AP3B1: variants seen among roughly 807,000 people sequenced by gnomAD.
AP3B1 encodes the protein AP-3 complex subunit beta-1.
In AP3B1, 61 loss-of-function variants were observed where a neutral mutation model predicts 132.5. That is an observed-to-expected ratio of 0.46 (90% CI 0.37 to 0.57). The LOEUF is 0.57. Ranked by LOEUF, AP3B1 falls within the 20% of genes least tolerant of loss-of-function variation. The pLI, the probability that AP3B1 is intolerant of heterozygous loss-of-function variation, is 0.00. For synonymous variants in AP3B1, 388 were observed against 438.3 expected, an observed-to-expected ratio of 0.89 and a Z score of 1.43; for missense variants, 1,120 against 1,289.4, an observed-to-expected ratio of 0.87 and a Z score of 2.01.
At chr5:78,232,274 C>A (rs1326804089) in intron 3 of AP3B1, among the ~76,000 whole-genome samples, 1 of 152,178 alleles carries the variant, frequency 6.6e-6, no homozygotes, top group Admixed American at 6.5e-5. Flanking sequence ...GCCTTGGCAA[C>A]ATGTAGCCAC....
chr5:78,212,284 A>C (rs1745772799), intron 7 of AP3B1, among the ~76,000 whole-genome samples: 1 of 152,184 alleles, frequency 6.6e-6, no homozygotes, highest in South Asian at 2.1e-4. Flanking sequence ...CTATCCCAAA[A>C]AAGGAAAACA....
At chr5:78,277,424 G>GC (rs1748828870) in intron 1 of AP3B1, among the ~76,000 whole-genome samples, 1 of 152,106 alleles carries the variant, frequency 6.6e-6, no homozygotes, top group African/African-American at 2.4e-5. Flanking sequence ...GAGGGAGAGA[G>GC]CAAGGCAGAG....
At chr5:78,248,801 A>G (rs1203994598) in intron 2 of AP3B1, among the ~76,000 whole-genome samples, 4 of 152,102 alleles carry the variant, frequency 2.6e-5, no homozygotes, top group African/African-American at 9.7e-5. Flanking sequence ...CTTGAAGGAT[A>G]TTTTCAATGG....
chr5:78,039,431 T>A (rs766567988), intron 22 of AP3B1, among the ~76,000 whole-genome samples, 157 bp from the exon 23 acceptor site: 6 of 152,130 alleles, frequency 3.9e-5, no homozygotes, highest in Non-Finnish European at 5.9e-5. Flanking sequence ...CACATAGATA[T>A]TAGTCAGAAA....
intron 26 of AP3B1, among the ~76,000 whole-genome samples, chr5:78,008,223 A>T (rs1746477652): frequency 6.6e-6 from 1 of 152,198 alleles, no homozygotes; most frequent in Non-Finnish European, 1.5e-5. Flanking sequence ...AGTAAAACAA[A>T]TACATTCTTA....
chr5:78,098,089 CGT>C (rs1347448135), intron 21 of AP3B1, among the ~76,000 whole-genome samples: 1 of 150,970 alleles, frequency 6.6e-6, no homozygotes, highest in Non-Finnish European at 1.5e-5. Flanking sequence ...GCAGCATGCT[CGT>C]TAAGAGTCAT....
chr5:78,280,154 C>T (rs553188236), intron 1 of AP3B1, among the ~76,000 whole-genome samples: 1 of 151,236 alleles, frequency 6.6e-6, no homozygotes, highest in East Asian at 1.9e-4. Context: ...CCTGGAGTGT[C>T]ATCCCCCTCC....
At chr5:78,140,334 A>G (rs941834993) in intron 15 of AP3B1, among the ~76,000 whole-genome samples, 1 of 152,166 alleles carries the variant, frequency 6.6e-6, no homozygotes, top group African/African-American at 2.4e-5. Flanking sequence ...AAACTGCAAA[A>G]TGTCTTAGTC....
At chr5:78,173,022 A>G (rs1349131279) in intron 11 of AP3B1, among the ~76,000 whole-genome samples, 1 of 152,222 alleles carries the variant, frequency 6.6e-6, no homozygotes, top group Non-Finnish European at 1.5e-5. Context: ...TTATTTACCC[A>G]GTAGTCATTC....
chr5:78,289,288 G>A (rs1580599741), intron 1 of AP3B1, among the ~76,000 whole-genome samples: 1 of 152,152 alleles, frequency 6.6e-6, no homozygotes, highest in East Asian at 1.9e-4. Context: ...TGATATTAAA[G>A]GTTAAGAATG....
chr5:78,180,344 C>A (rs1411737761), intron 8 of AP3B1, among the ~76,000 whole-genome samples: 3 of 151,988 alleles, frequency 2.0e-5, no homozygotes, highest in Non-Finnish European at 2.9e-5. Context: ...TCTTTAAGAA[C>A]ATGTTTAACC....
In AP3B1 at chr5:78,196,810, T is replaced by C. The variant is rs1189961069; in HGVS notation, c.787-15148A>G. Among the ~76,000 whole-genome samples, 3 of 152,210 alleles carry C rather than the reference T, an allele frequency of 2.0e-5. No individual in the cohort carries two copies. In the East Asian group the frequency reaches 5.8e-4, roughly 29 times the overall value. On this transcript the variant is annotated intron_variant, in intron 7 of 26. Transcript: ENST00000255194. ...GTATGATTCCAGCTATATGATATTT[T>C]GGAAAAGGCAAACTATGTAGACATT...
intron 18 of AP3B1, among the ~76,000 whole-genome samples, chr5:78,115,778 G>T (rs1751799319): frequency 6.6e-6 from 1 of 152,076 alleles, no homozygotes; most frequent in African/African-American, 2.4e-5. Flanking sequence ...TTTTGTAAAA[G>T]AAAGTTACTT....
At chr5:78,271,601 C>T (rs779679887) in intron 1 of AP3B1, among the ~76,000 whole-genome samples, 5 of 152,160 alleles carry the variant, frequency 3.3e-5, no homozygotes, top group African/African-American at 7.2e-5. Flanking sequence ...GGGTAACAAA[C>T]AACGTCTTAA....
intron 19 of AP3B1, among the ~76,000 whole-genome samples, chr5:78,112,301 T>C (rs1162827261): frequency 6.6e-6 from 1 of 152,172 alleles, no homozygotes; most frequent in African/African-American, 2.4e-5. Flanking sequence ...GAAAAATATG[T>C]TGTTGTTTTT....
intron 14 of AP3B1, among the ~76,000 whole-genome samples, chr5:78,144,945 C>T (rs573894941): frequency 6.6e-6 from 1 of 152,016 alleles, no homozygotes; most frequent in Admixed American, 6.6e-5. Flanking sequence ...GCAATCCTCC[C>T]GCCTCAGCCT....
Position 78,097,040 on chromosome 5 carries a change from C to A in AP3B1, c.2470+3913G>T, listed in dbSNP as rs1266018006. Among the ~76,000 whole-genome samples the A allele has an allele frequency of 6.2e-3, 727 of 117,070 alleles. 8 individuals are homozygous for A. The highest frequency in any genetic ancestry group is 0.028 in the African/African-American group (635 of 22,936). The allele number at this position is 117,070 out of a possible 152,430, so 76.8% of individuals were successfully genotyped here. On this transcript the variant is annotated intron_variant, in intron 21 of 26. Coordinates refer to ENST00000255194, the MANE Select transcript of AP3B1 (RefSeq NM_003664.5). ...GGGGTCAGCCCCCCGCCCGGCCAGC[C>A]GCCCCGTCCGGGAGGGAGGTTGGGG...
intron 17 of AP3B1, among the ~76,000 whole-genome samples, chr5:78,123,038 T>C (rs1752294578): frequency 1.3e-5 from 2 of 152,202 alleles, no homozygotes; most frequent in South Asian, 4.1e-4. Flanking sequence ...TCAGAAATAA[T>C]GCCGCATATC....
intron 22 of AP3B1, among the ~76,000 whole-genome samples, chr5:78,082,845 C>T (rs1405031715): frequency 6.6e-6 from 1 of 151,004 alleles, no homozygotes; most frequent in African/African-American, 2.4e-5. Flanking sequence ...GACGGAGTTT[C>T]GCTCTTGTTG....
Sources: gnomAD v4.1 joint callset for allele counts (sites outside exome capture counted in the v4.1 genomes callset) on GRCh38, gnomAD v4.1.1 for gene constraint, MANE v1.5 for transcripts, NCBI Gene and HGNC (gene_info 2026-07-23, HGNC 2026-07-21) for gene names.